The following OC90 variants were observed in gnomAD, a reference collection of about 807,000 sequenced individuals.
OC90 encodes otoconin 90.
OC90 carries 46 observed loss-of-function variants against 47.3 expected under a neutral mutation model. The ratio of observed to expected loss-of-function variants is 0.97; its 90% CI spans 0.77 to 1.24. The LOEUF (loss-of-function observed/expected upper bound fraction) is 1.24, where lower values mean the gene tolerates loss of function less well. Among genes scored for constraint, OC90 ranks in the 50% most tolerant of loss-of-function variants. The probability of loss-of-function intolerance (pLI) is 0.00; values close to 1 mark genes in which losing one functional copy is unlikely to be tolerated. For synonymous variants in OC90, 271 were observed against 219.5 expected, an observed-to-expected ratio of 1.23 and a Z score of -2.07; for missense variants, 688 against 583.9, an observed-to-expected ratio of 1.18 and a Z score of -1.84.
intron 2 of OC90, among the ~76,000 whole-genome samples, chr8:132,052,161 C>T (rs938184244): frequency 1.3e-5 from 2 of 152,038 alleles, no homozygotes; most frequent in Admixed American, 6.6e-5. Flanking sequence ...CGGAATGGTT[C>T]CCATGAACAG....
intron 6 of OC90, among the ~76,000 whole-genome samples, chr8:132,039,837 C>A (rs774480536): frequency 2.0e-5 from 3 of 152,034 alleles, no homozygotes; most frequent in Admixed American, 6.5e-5. Context: ...CATCCTCAAC[C>A]CTCATCATCT....
intron 6 of OC90, among the ~76,000 whole-genome samples, chr8:132,040,500 G>A (rs182952244): frequency 4.6e-5 from 7 of 152,284 alleles, no homozygotes; most frequent in African/African-American, 1.2e-4. Flanking sequence ...CAAATAAGGC[G>A]GGAACTGAGA....
intron 2 of OC90, among the ~76,000 whole-genome samples, chr8:132,049,536 T>C (rs963952397): frequency 2.0e-5 from 3 of 152,212 alleles, no homozygotes; most frequent in Non-Finnish European, 4.4e-5. Flanking sequence ...GGAAGGAGTG[T>C]TGATCTTATA....
rs530568642 is a variant in OC90 at position 132,055,712 on chromosome 8, T to C, written c.-47-639A>G. Reference sequence around the variant, plus strand: ...CTCGGCTTTTGAGTATTTCGAATACTTTGTTGAGGTCCTGAGAGTTCAATA... The same window carrying C: ...CTCGGCTTTTGAGTATTTCGAATACCTTGTTGAGGTCCTGAGAGTTCAATA... On this transcript the variant is annotated intron_variant, in intron 1 of 13. Transcript: ENST00000254627. 1.4e-4 allele frequency among the ~76,000 whole-genome samples: 21 copies of C among 152,288 alleles called. No homozygotes were observed. The South Asian group carries it at 3.9e-3, about 29-fold the overall frequency.
intron 2 of OC90, among the ~76,000 whole-genome samples, chr8:132,047,665 G>A (rs1276149089): frequency 6.6e-6 from 1 of 151,884 alleles, no homozygotes; most frequent in African/African-American, 2.4e-5. Flanking sequence ...CTTCTAAAAA[G>A]GTAAGTATTT....
Position 132,034,794 on chromosome 8 carries a change from A to G in OC90, c.720T>C (p.Ala240=). 2 of 1,612,328 alleles carry G rather than the reference A, an allele frequency of 1.2e-6. No homozygotes were observed. Among genetic ancestry groups the G allele is most frequent in the Non-Finnish European group, 1.7e-6 (2 of 1,178,716 alleles). ...CAGTAGGCTTACCTGGAGGGGACGT[A>G]GCCCTAGCAGCTCCCACTCCTTCCT... ...HDQEGVGAAR[A]TSPPGSAEIV... The change falls in exon 10 of 14, where the codon GCT becomes GCC. Residue 240 remains alanine, a synonymous_variant. Coordinates refer to ENST00000254627, the MANE Select transcript of OC90 (RefSeq NM_001080399.3).
At position 132,041,000 on chromosome 8, in the gene OC90, G is replaced by C. The variant is rs148885435; in HGVS notation, c.457+44C>G. Reference sequence around the variant, plus strand: ...GGTCCAGGCTTGGGATCCCTGGACTGTCATTTCTGGGCCCAGGCCCCTGGG... The same window carrying C: ...GGTCCAGGCTTGGGATCCCTGGACTCTCATTTCTGGGCCCAGGCCCCTGGG... On this transcript the variant is annotated intron_variant, in intron 6 of 13. Coordinates refer to ENST00000254627, the MANE Select transcript of OC90 (RefSeq NM_001080399.3). 1.1e-3 allele frequency: 1,294 copies of C among 1,206,356 alleles called. 2 individuals carry two copies. Among genetic ancestry groups the C allele is most frequent in the South Asian group, 1.5e-3 (123 of 82,888 alleles). 74.7% of individuals were successfully genotyped at this position (1,206,356 alleles called of 1,614,324 possible). A position where few individuals can be genotyped will look rare whatever the true frequency, so the allele number is the denominator to read the frequency against.
chr8:132,042,066 T>C (rs2130858993), intron 4 of OC90, among the ~76,000 whole-genome samples: 1 of 151,532 alleles, frequency 6.6e-6, no homozygotes, highest in South Asian at 2.1e-4. Context: ...GGGAAAGTCT[T>C]TAAGTGTCTT....
chr8:132,040,924 G>C, intron 6 of OC90, 120 bp downstream of exon 6: 1 of 686,456 alleles, frequency 1.5e-6, no homozygotes, highest in South Asian at 1.7e-5. Flanking sequence ...TGCTGCCAAC[G>C]ATGCTGCCAG....
intron 1 of OC90, among the ~76,000 whole-genome samples, chr8:132,056,561 G>A (rs2130866664): frequency 6.6e-6 from 1 of 152,280 alleles, no homozygotes; most frequent in East Asian, 1.9e-4. Flanking sequence ...TCTGCTTAGA[G>A]CCTTTTTTAG....
chr8:132,038,263 A>G (rs1222008966), intron 8 of OC90, among the ~76,000 whole-genome samples: 3 of 152,226 alleles, frequency 2.0e-5, no homozygotes, highest in African/African-American at 7.2e-5. Context: ...TGTTCTGAAA[A>G]TAAACATGCG....
chr8:132,033,233 C>T (rs2202068), intron 10 of OC90, 69 bp from the exon 11 acceptor site: 1,240,932 of 1,528,276 alleles, frequency 0.81, 504,534 homozygotes, highest in South Asian at 0.92. Context: ...GATGGACATA[C>T]GAAAGCCAAA....
At chr8:132,057,661 C>T (rs1934725038) in intron 1 of OC90, among the ~76,000 whole-genome samples, 1 of 152,176 alleles carries the variant, frequency 6.6e-6, no homozygotes. Context: ...GTATATTTTA[C>T]CACAACTTTT....
chr8:132,042,306 G>GCTAC (rs1273381162), intron 4 of OC90, among the ~76,000 whole-genome samples: 3 of 152,106 alleles, frequency 2.0e-5, no homozygotes, highest in African/African-American at 7.2e-5. Flanking sequence ...CCTGTGTTGA[G>GCTAC]CTACCACACG....
rs768250345 is a variant in OC90, at chr8:132,039,001, T to C, written c.580A>G (p.Thr194Ala). 9.9e-6 allele frequency: 16 copies of C among 1,613,782 alleles called. No individual in the cohort carries two copies. Among genetic ancestry groups the C allele is most frequent in the Middle Eastern group, 1.6e-4 (1 of 6,062 alleles). ...LLDTSFCLAQ[T>A]PETTIKEDLT... ...GCAGCCAGGTTCTTCCTACCTGGAG[T>C]CTGAGCCAGGCAGAAGGAGGTGTCC... Residue 194 changes from threonine to alanine, a missense_variant, in exon 7 of 14, where the codon ACT becomes GCT. Thr to Ala is a moderately conservative substitution (Grantham distance 58). Transcript: ENST00000254627.
chr8:132,041,439 C>T (rs766689422), intron 5 of OC90, 86 bp downstream of exon 5: 30 of 1,250,674 alleles, frequency 2.4e-5, no homozygotes, highest in Non-Finnish European at 3.0e-5. Flanking sequence ...AGGGGCTTTT[C>T]TGTATTTGTG....
intron 2 of OC90, among the ~76,000 whole-genome samples, chr8:132,054,052 G>A (rs982055082): frequency 1.3e-5 from 2 of 152,196 alleles, no homozygotes; most frequent in Non-Finnish European, 2.9e-5. Context: ...GGGCAGCCAT[G>A]AGAAGGGACC....
chr8:132,036,629 G>A (rs1241349017), intron 9 of OC90, among the ~76,000 whole-genome samples: 11 of 152,188 alleles, frequency 7.2e-5, no homozygotes, highest in African/African-American at 1.9e-4. Context: ...CACAAAGACC[G>A]GCAAATGCCA....
chr8:132,038,688 C>A, intron 8 of OC90, 102 bp downstream of exon 8: 1 of 888,802 alleles, frequency 1.1e-6, no homozygotes. Flanking sequence ...ACAGTCACTC[C>A]AGCTCCAGTG....
Sources: gnomAD v4.1 joint callset for allele counts (sites outside exome capture counted in the v4.1 genomes callset) on GRCh38, gnomAD v4.1.1 for gene constraint, MANE v1.5 for transcripts, NCBI Gene and HGNC (gene_info 2026-07-23, HGNC 2026-07-21) for gene names.